Variants in MDM1 observed in about 807,000 individuals in gnomAD.
MDM1 encodes Mdm1 nuclear protein.
MDM1 carries 61 observed loss-of-function variants against 89.1 expected under a neutral mutation model. That is an observed-to-expected ratio of 0.68 (90% CI 0.56 to 0.85). The LOEUF is 0.85. Among genes scored for constraint, MDM1 ranks in the 40% least tolerant of loss-of-function variants. The pLI, the probability that MDM1 is intolerant of heterozygous loss-of-function variation, is 0.00. For missense variants in MDM1, 820 were observed against 846.5 expected (o/e 0.97, Z 0.39); for synonymous variants, 290 against 294.1 (o/e 0.99, Z 0.14).
intron 12 of MDM1, among the ~76,000 whole-genome samples, chr12:68,306,155 G>A (rs1872856323): frequency 6.6e-6 from 1 of 151,846 alleles, no homozygotes; most frequent in Admixed American, 6.6e-5. Flanking sequence ...CAAAAAAAAT[G>A]AACAATGGAA....
chr12:68,313,638 G>T lies in MDM1; in HGVS notation c.1639+6C>A. On this transcript the variant is annotated splice_donor_region_variant and intron_variant, in intron 11 of 14. Transcript: ENST00000682720. ...AAATAAGAACTGCACGGTGTTTGCC[G>T]ATTACCAACAGCTGGAGTAGTGAGA... 2 of 1,612,256 alleles carry T rather than the reference G, an allele frequency of 1.2e-6. No individual in the cohort carries two copies. The highest frequency in any genetic ancestry group is 1.1e-5 in the South Asian group (1 of 91,008).
chr12:68,325,939 C>T (rs1875905056), intron 3 of MDM1: 2 of 996,036 alleles, frequency 2.0e-6, no homozygotes, highest in African/African-American at 1.7e-5. Flanking sequence ...CCTTCTCCTG[C>T]CTGCCAGACT....
chr12:68,297,099 C>A (rs1424367035), intron 13 of MDM1, 117 bp from the exon 14 acceptor site: 4 of 528,404 alleles, frequency 7.6e-6, no homozygotes. Flanking sequence ...AATTATCAAA[C>A]CTACATGTGA....
intron 7 of MDM1, among the ~76,000 whole-genome samples, chr12:68,317,346 A>C (rs1279570684): frequency 6.6e-5 from 10 of 152,136 alleles, no homozygotes; most frequent in Non-Finnish European, 1.3e-4. Flanking sequence ...ATCTCAAAAA[A>C]CACTAATTTT....
In MDM1 at chr12:68,326,941, T is replaced by G. The variant is rs1876085637; in HGVS notation, c.214A>C (p.Asn72His). 2 of 1,613,898 alleles carry G rather than the reference T, an allele frequency of 1.2e-6. No individual in the cohort carries two copies. The highest frequency in any genetic ancestry group is 3.3e-5 in the Admixed American group (2 of 59,998). ...DPQISKSLEW[N>H]GAISESNVVA... ...ACATTGCTCTCTGAGATAGCTCCATTCCACTCCAGAGATTTTGAAATCTGT... is the reference window on the plus strand; with the variant it reads ...ACATTGCTCTCTGAGATAGCTCCATGCCACTCCAGAGATTTTGAAATCTGT... The change falls in exon 3 of 15, where the codon AAT becomes CAT. Residue 72 changes from asparagine to histidine, a missense_variant. Physicochemically the swap from Asn to His is moderately conservative, Grantham distance 68 (BLOSUM62 1). Transcript: ENST00000682720.
At chr12:68,310,543 CA>C (rs1207064039) in intron 12 of MDM1, among the ~76,000 whole-genome samples, 2 of 152,200 alleles carry the variant, frequency 1.3e-5, no homozygotes, top group Non-Finnish European at 2.9e-5. Context: ...AGGAGTAAAA[CA>C]GTCCATTAAG....
At chr12:68,314,723 A>C (rs1220247867) in intron 10 of MDM1, among the ~76,000 whole-genome samples, 1 of 152,196 alleles carries the variant, frequency 6.6e-6, no homozygotes, top group Non-Finnish European at 1.5e-5. Flanking sequence ...ACTTCCTCCC[A>C]AAGTAGGCCA....
intron 14 of MDM1, among the ~76,000 whole-genome samples, chr12:68,296,548 AT>A (rs1212316704): frequency 1.3e-5 from 2 of 152,246 alleles, no homozygotes; most frequent in Non-Finnish European, 2.9e-5. Context: ...ATTTTCTCTA[AT>A]CATGTATTTG....
chr12:68,315,064 C>T lies in MDM1; in HGVS notation c.1413G>A (p.Glu471=), dbSNP rs1250225638. 1 of 1,614,130 alleles carries T rather than the reference C, an allele frequency of 6.2e-7. No individual in the cohort carries two copies. The change falls in exon 10 of 15, where the codon GAG becomes GAA. Residue 471 remains glutamate, a synonymous_variant. Transcript: ENST00000682720. ...CTTCCTCTTCATTGTCGTCCTCCTC[C>T]TCTTTCTCCCCGGGCTGTTTCTGTA... ...EDVQKQPGEK[E]EEDDNEEEGD... is the part of the protein sequence containing the mutation.
Position 68,320,369 on chromosome 12 carries a change from G to A in MDM1, c.1005+978C>T, listed in dbSNP as rs565230208. Among the ~76,000 whole-genome samples the A allele has an allele frequency of 4.5e-4, 68 of 151,906 alleles. 1 individual carries two copies. Among genetic ancestry groups the A allele is most frequent in the East Asian group, 5.8e-4 (3 of 5,188 alleles). On this transcript the variant is annotated intron_variant, in intron 7 of 14. Coordinates refer to ENST00000682720, the MANE Select transcript of MDM1 (RefSeq NM_001354969.2). ...TTTTACTTTGCCTGTGCTGTCTTCA[G>A]GCCGTGCTCAAATAGAGAAGTAGAA...
At position 68,295,303 on chromosome 12, in the gene MDM1, G is replaced by A. The variant is rs1354682937; in HGVS notation, c.2126C>T (p.Thr709Ile). 1.2e-6 allele frequency: 2 copies of A among 1,613,178 alleles called. No individual in the cohort carries two copies. Among genetic ancestry groups the A allele is most frequent in the Non-Finnish European group, 1.7e-6 (2 of 1,179,476 alleles). ...SAASSLRAFQ[T>I]LARAKKRKEN... ...CTTCCTTTTCTTAGCTCGTGCCAGA[G>A]TTTGAAAAGCCCGGAGACTAGAAGC... The change falls in exon 15 of 15, where the codon ACT becomes ATT. Residue 709 changes from threonine to isoleucine, a missense_variant. Physicochemically the swap from Thr to Ile is moderately conservative, Grantham distance 89. Coordinates refer to ENST00000682720, the MANE Select transcript of MDM1 (RefSeq NM_001354969.2).
At chr12:68,314,800 T>C (rs1258307724) in intron 10 of MDM1, 148 bp downstream of exon 10, 46 of 692,612 alleles carry the variant, frequency 6.6e-5, no homozygotes, top group Non-Finnish European at 5.7e-5. Flanking sequence ...TTATTCACCA[T>C]ACAGCAGTGC....
chr12:68,327,204 T>C, intron 2 of MDM1, 183 bp from the exon 3 acceptor site: 1 of 1,398,312 alleles, frequency 7.2e-7, no homozygotes, highest in Non-Finnish European at 9.3e-7. Context: ...ACATAAAATA[T>C]TTAATTTTGC....
intron 2 of MDM1, among the ~76,000 whole-genome samples, chr12:68,329,945 T>C (rs553317572): frequency 1.3e-5 from 2 of 152,298 alleles, no homozygotes; most frequent in Admixed American, 1.3e-4. Flanking sequence ...TGCCACTTAC[T>C]AGCTGTAAAG....
chr12:68,322,589 G>A lies in MDM1; in HGVS notation c.801+484C>T, dbSNP rs1488783827. ...GCAGAGGTTGCAGTGAGCCGAGATCGTGCCACTGCACTCCAGCCTGGGCGA... is the reference window on the plus strand; with the variant it reads ...GCAGAGGTTGCAGTGAGCCGAGATCATGCCACTGCACTCCAGCCTGGGCGA... On this transcript the variant is annotated intron_variant, in intron 5 of 14. Transcript: ENST00000682720. Among the ~76,000 whole-genome samples, 9 of 152,232 alleles carry A rather than the reference G, an allele frequency of 5.9e-5. No individual in the cohort carries two copies. The East Asian group carries it at 1.2e-3, about 20-fold the overall frequency.
At position 68,305,777 on chromosome 12, in the gene MDM1, C is replaced by T. The variant is rs143164327; in HGVS notation, c.1750-2905G>A. 5.7e-3 allele frequency among the ~76,000 whole-genome samples: 861 copies of T among 152,166 alleles called. 5 individuals carry two copies. The highest frequency in any genetic ancestry group is 0.019 in the African/African-American group (808 of 41,506). Reference sequence around the variant, plus strand: ...CATAAACAAATGGAAAAGCATTCCACGCCCATGGATCGGAAGAATCGATAT... The same window carrying T: ...CATAAACAAATGGAAAAGCATTCCATGCCCATGGATCGGAAGAATCGATAT... On this transcript the variant is annotated intron_variant, in intron 12 of 14. Transcript: ENST00000682720.
At chr12:68,314,069 G>A (rs766141618) in intron 10 of MDM1, among the ~76,000 whole-genome samples, 4 of 149,818 alleles carry the variant, frequency 2.7e-5, no homozygotes, top group Non-Finnish European at 3.0e-5. Flanking sequence ...CCCAGAAGGC[G>A]GAGCTTGCAG....
At chr12:68,331,397 C>T (rs1252074309) in intron 1 of MDM1, among the ~76,000 whole-genome samples, 176 bp from the exon 2 acceptor site, 1 of 152,212 alleles carries the variant, frequency 6.6e-6, no homozygotes, top group Non-Finnish European at 1.5e-5. Flanking sequence ...AAGCAGTTCA[C>T]ACGTGTTATA....
In MDM1 at chr12:68,309,696, T is replaced by C. The variant is rs567647919; in HGVS notation, c.1749+3747A>G. On this transcript the variant is annotated intron_variant, in intron 12 of 14. Transcript: ENST00000682720. ...AGTTTTGGGACATACTGATAATTTA[T>C]TGGAAATTGAATGACCTATGGGTTT... Among the ~76,000 whole-genome samples, 7 of 152,340 alleles carry C rather than the reference T, an allele frequency of 4.6e-5. No individual in the cohort carries two copies. In the East Asian group the frequency reaches 1.2e-3, roughly 25 times the overall value.
Sources: gnomAD v4.1 joint callset for allele counts (sites outside exome capture counted in the v4.1 genomes callset) on GRCh38, gnomAD v4.1.1 for gene constraint, MANE v1.5 for transcripts, NCBI Gene and HGNC (gene_info 2026-07-23, HGNC 2026-07-21) for gene names.